The following NECAB1 variants were observed in gnomAD, a reference collection of about 807,000 sequenced individuals.
NECAB1 encodes N-terminal EF-hand calcium binding protein 1.
NECAB1 carries 29 observed loss-of-function variants against 57.5 expected under a neutral mutation model. The observed-to-expected ratio is 0.50, with a 90% CI of 0.38 to 0.69. The LOEUF (loss-of-function observed/expected upper bound fraction) is 0.69, where lower values mean the gene tolerates loss of function less well. Ranked by LOEUF, NECAB1 falls within the 30% of genes least tolerant of loss-of-function variation. The pLI is 0.00. For missense variants in NECAB1, 372 were observed against 413.8 expected, an observed-to-expected ratio of 0.90 and a Z score of 0.88; for synonymous variants, 142 against 147.7, an observed-to-expected ratio of 0.96 and a Z score of 0.28.
rs372692944 is a variant in NECAB1 at position 90,791,862 on chromosome 8, C to T, written c.-25C>T. The T allele has an allele frequency of 6.5e-7, 1 of 1,540,938 alleles. No individual in the cohort carries two copies. The highest frequency in any genetic ancestry group is 8.8e-7 in the Non-Finnish European group (1 of 1,140,240). ...GGTGCGTCCGCCTAGCCCCGCTCCG[C>T]CTGAGGCCGTCAGGGCTCCCGAGGA... is the stretch of plus-strand genomic sequence containing the variant. On this transcript the variant is annotated 5_prime_UTR_variant, in exon 1 of 13. Coordinates refer to ENST00000417640, the MANE Select transcript of NECAB1 (RefSeq NM_022351.5).
intron 3 of NECAB1, among the ~76,000 whole-genome samples, chr8:90,844,634 C>T (rs1286439790): frequency 1.3e-5 from 2 of 152,168 alleles, no homozygotes; most frequent in East Asian, 3.9e-4. Flanking sequence ...TTTCATCTTA[C>T]AGGCTTGACC....
At chr8:90,806,047 G>C (rs1326569337) in intron 2 of NECAB1, among the ~76,000 whole-genome samples, 1 of 152,180 alleles carries the variant, frequency 6.6e-6, no homozygotes, top group East Asian at 1.9e-4. Context: ...TTTTTGTGTG[G>C]GGTGGGGGGC....
Position 90,925,671 on chromosome 8 carries a change from A to C in NECAB1, c.616+15A>C. On this transcript the variant is annotated intron_variant, in intron 7 of 12. Coordinates refer to ENST00000417640, the MANE Select transcript of NECAB1 (RefSeq NM_022351.5). ...CAGCGGTCCAGGTAACATACCCTTC[A>C]TTTGTTTTTATTTGTCAAAGTCTAT... The C allele has an allele frequency of 6.2e-7, 1 of 1,612,878 alleles. No homozygotes were observed. The highest frequency in any genetic ancestry group is 1.3e-5 in the African/African-American group (1 of 75,032).
At chr8:90,916,535 A>G (rs910977881) in intron 5 of NECAB1, among the ~76,000 whole-genome samples, 1 of 152,190 alleles carries the variant, frequency 6.6e-6, no homozygotes, top group Non-Finnish European at 1.5e-5. Flanking sequence ...CAGCCATAAA[A>G]AAATTTTGTT....
chr8:90,807,887 T>C (rs1230663637), intron 2 of NECAB1, among the ~76,000 whole-genome samples: 1 of 152,194 alleles, frequency 6.6e-6, no homozygotes, highest in East Asian at 1.9e-4. Flanking sequence ...GCCCTAGCAA[T>C]GACCTTATTG....
chr8:90,929,840 C>A (rs547672383), intron 8 of NECAB1, among the ~76,000 whole-genome samples: 9 of 152,220 alleles, frequency 5.9e-5, no homozygotes, highest in African/African-American at 2.2e-4. Context: ...ATGGCATGAG[C>A]AAGGTGATGG....
intron 1 of NECAB1, among the ~76,000 whole-genome samples, chr8:90,797,362 C>T (rs1169894938): frequency 6.6e-6 from 1 of 152,172 alleles, no homozygotes; most frequent in African/African-American, 2.4e-5. Context: ...TATCTTAAAA[C>T]ACATTGTGGC....
chr8:90,825,525 T>A (rs1265002239), intron 3 of NECAB1, among the ~76,000 whole-genome samples: 1 of 151,830 alleles, frequency 6.6e-6, no homozygotes, highest in African/African-American at 2.4e-5. Context: ...AACGCTTATA[T>A]GAAAAACCAC....
intron 12 of NECAB1, among the ~76,000 whole-genome samples, chr8:90,951,953 A>G (rs953292318): frequency 1.3e-5 from 2 of 152,192 alleles, no homozygotes; most frequent in African/African-American, 4.8e-5. Context: ...TTGGACATGA[A>G]CAAATGCAAG....
intron 1 of NECAB1, among the ~76,000 whole-genome samples, chr8:90,793,722 T>G (rs1811614666): frequency 6.6e-6 from 1 of 152,140 alleles, no homozygotes; most frequent in Admixed American, 6.5e-5. Flanking sequence ...GACCTGATCT[T>G]CACTCTGTCC....
chr8:90,883,067 T>C (rs563928644), intron 5 of NECAB1, among the ~76,000 whole-genome samples: 1 of 152,272 alleles, frequency 6.6e-6, no homozygotes, highest in Admixed American at 6.5e-5. Flanking sequence ...AAATATGCAC[T>C]AAAATCATGC....
intron 5 of NECAB1, among the ~76,000 whole-genome samples, chr8:90,883,782 A>G (rs1808902899): frequency 6.6e-6 from 1 of 152,212 alleles, no homozygotes; most frequent in African/African-American, 2.4e-5. Flanking sequence ...AGGTAACTGA[A>G]ACCAGAACCC....
chr8:90,801,699 G>A lies in NECAB1; in HGVS notation c.108G>A (p.Arg36=), dbSNP rs1187777416. The A allele has an allele frequency of 3.9e-6, 6 of 1,527,828 alleles. No homozygotes were observed. Among genetic ancestry groups the A allele is most frequent in the Non-Finnish European group, 4.4e-6 (5 of 1,132,784 alleles). 94.6% of individuals were successfully genotyped at this position (1,527,828 alleles called of 1,614,324 possible). The change falls in exon 2 of 13, where the codon AGG becomes AGA. Residue 36 remains arginine, a synonymous_variant. Coordinates refer to ENST00000417640, the MANE Select transcript of NECAB1 (RefSeq NM_022351.5). Reference sequence around the variant, plus strand: ...TCCTTTTTCCTTTCCAGATACTGAGGAGAGCAGACAAAAATGGTAAGACCA... The same window carrying A: ...TCCTTTTTCCTTTCCAGATACTGAGAAGAGCAGACAAAAATGGTAAGACCA... ...KGMSIFLDIL[R]RADKNDDGKL...
intron 5 of NECAB1, among the ~76,000 whole-genome samples, chr8:90,907,151 T>TGAGAGAGAGA (rs71266152): frequency 3.1e-4 from 32 of 102,074 alleles, no homozygotes; most frequent in South Asian, 9.5e-4. Context: ...TGTGTGTGTG[T>TGAGAGAGAGA]GAGAGAGAGA....
At chr8:90,940,087 T>C (rs1810631803) in intron 9 of NECAB1, 1 of 152,252 alleles carries the variant, frequency 6.6e-6, no homozygotes, top group African/African-American at 2.4e-5. Flanking sequence ...GAGGGAAGCC[T>C]TGAAACTACA....
intron 5 of NECAB1, among the ~76,000 whole-genome samples, chr8:90,902,505 A>AGGGGCT (rs1230084672): frequency 2.6e-5 from 4 of 152,170 alleles, no homozygotes; most frequent in Non-Finnish European, 5.9e-5. Flanking sequence ...ACTAATGCAA[A>AGGGGCT]GGGGCTCTCT....
intron 12 of NECAB1, among the ~76,000 whole-genome samples, chr8:90,952,129 T>G (rs1219267009): frequency 1.3e-5 from 2 of 151,940 alleles, no homozygotes; most frequent in African/African-American, 4.8e-5. Context: ...GGTGACATGT[T>G]CTAATCAGTA....
At chr8:90,953,349 A>G (rs1234437038) in intron 12 of NECAB1, among the ~76,000 whole-genome samples, 1 of 152,232 alleles carries the variant, frequency 6.6e-6, no homozygotes, top group Non-Finnish European at 1.5e-5. Flanking sequence ...ATTGGCACAT[A>G]TATTACTCTT....
rs1812052119 is a variant in NECAB1, at chr8:90,815,740, C to T, written c.125-8977C>T. Among the ~76,000 whole-genome samples the T allele has an allele frequency of 2.6e-5, 4 of 151,938 alleles. No individual in the cohort carries two copies. In the South Asian group the frequency reaches 8.3e-4, roughly 31 times the overall value. Reference sequence around the variant, plus strand: ...ATGACTTCATAGCACAACTTTTTATCATTGTATAATATTTCATTGTGTGGA... The same window carrying T: ...ATGACTTCATAGCACAACTTTTTATTATTGTATAATATTTCATTGTGTGGA... On this transcript the variant is annotated intron_variant, in intron 2 of 12. Coordinates refer to ENST00000417640, the MANE Select transcript of NECAB1 (RefSeq NM_022351.5).
Sources: allele counts gnomAD v4.1 joint callset (sites outside exome capture counted in the v4.1 genomes callset), GRCh38; gene constraint gnomAD v4.1.1; transcripts MANE v1.5; gene names NCBI Gene and HGNC (gene_info 2026-07-23, HGNC 2026-07-21).